SLC35A5: variants seen among roughly 807,000 people sequenced by gnomAD.
The protein encoded by SLC35A5 is solute carrier family 35 member A5, also known as UDP-sugar transporter protein SLC35A5.
In SLC35A5, 28 loss-of-function variants were observed where a neutral mutation model predicts 36.3. The observed-to-expected ratio is 0.77, with a 90% CI of 0.57 to 1.06. The LOEUF is 1.06. SLC35A5 is among the 50% of genes least tolerant of loss of function. SLC35A5 has a pLI of 0.00. For missense variants in SLC35A5, 521 were observed against 499.3 expected, an observed-to-expected ratio of 1.04 and a Z score of -0.41; for synonymous variants, 180 against 173.7, an observed-to-expected ratio of 1.04 and a Z score of -0.29.
intron 3 of SLC35A5, among the ~76,000 whole-genome samples, chr3:112,569,670 A>T (rs1934354286): frequency 6.6e-6 from 1 of 152,186 alleles, no homozygotes; most frequent in African/African-American, 2.4e-5. Flanking sequence ...CATCAAAGAG[A>T]CTGTTCTGGG....
intron 4 of SLC35A5, among the ~76,000 whole-genome samples, chr3:112,571,833 T>C (rs1329470326): frequency 1.3e-5 from 2 of 151,342 alleles, no homozygotes; most frequent in Non-Finnish European, 2.9e-5. Context: ...CCTTGACATA[T>C]GGGGATTACA....
At chr3:112,561,493 T>C, upstream of SLC35A5, 2 of 1,607,918 alleles carry the variant, frequency 1.2e-6, no homozygotes, top group East Asian at 2.2e-5. Flanking sequence ...CCACTTCCAG[T>C]GCCTTTCCCT....
intron 5 of SLC35A5, among the ~76,000 whole-genome samples, chr3:112,578,543 A>C (rs1310463346): frequency 6.6e-6 from 1 of 152,214 alleles, no homozygotes; most frequent in East Asian, 1.9e-4. Context: ...TGAAGAACAA[A>C]TTGGGCCTAG....
chr3:112,566,759 G>A (rs1487835426), intron 2 of SLC35A5, among the ~76,000 whole-genome samples: 1 of 152,220 alleles, frequency 6.6e-6, no homozygotes, highest in Non-Finnish European at 1.5e-5. Context: ...TTGGAGATAA[G>A]ACCTGAATGG....
chr3:112,569,150 A>C (rs1350759811), intron 2 of SLC35A5, 21 bp from the exon 3 acceptor site: 4 of 1,577,100 alleles, frequency 2.5e-6, no homozygotes, highest in Middle Eastern at 1.7e-4. Flanking sequence ...ATAGTTAAAA[A>C]ACATTTCTGT....
At chr3:112,577,735 T>C (rs1486656233) in intron 5 of SLC35A5, among the ~76,000 whole-genome samples, 1 of 152,226 alleles carries the variant, frequency 6.6e-6, no homozygotes, top group Non-Finnish European at 1.5e-5. Context: ...GGGTAAAGTT[T>C]AGTTACTGTC....
intron 3 of SLC35A5, 130 bp downstream of exon 3, chr3:112,569,399 A>T: frequency 2.9e-6 from 2 of 698,202 alleles, no homozygotes; most frequent in South Asian, 3.6e-5. Flanking sequence ...TACAAACATA[A>T]GTATGTTTTA....
Position 112,583,633 on chromosome 3 carries a change from T to C in SLC35A5, c.*897T>C, listed in dbSNP as rs1935033883. 6.6e-6 allele frequency: 1 copy of C among 152,290 alleles called. No individual in the cohort carries two copies. The highest frequency in any genetic ancestry group is 2.4e-5 in the African/African-American group (1 of 41,452). 9.4% of individuals were successfully genotyped at this position (152,290 alleles called of 1,614,324 possible). The stretch of plus-strand genomic sequence containing the variant: ...CTGGCTTCAGAATCATACCAGATTG[T>C]CAGTGAAGCTGATGCCTAGGAACTT... On this transcript the variant is annotated 3_prime_UTR_variant, in exon 7 of 7. Transcript: ENST00000492406.
At chr3:112,567,927 A>G (rs921223305) in intron 2 of SLC35A5, among the ~76,000 whole-genome samples, 2 of 152,226 alleles carry the variant, frequency 1.3e-5, no homozygotes, top group Non-Finnish European at 2.9e-5. Flanking sequence ...TTGGAGGATA[A>G]CAGAGTGTGA....
intron 5 of SLC35A5, among the ~76,000 whole-genome samples, chr3:112,578,389 A>T (rs749050753): frequency 2.0e-5 from 3 of 152,226 alleles, no homozygotes; most frequent in African/African-American, 7.2e-5. Flanking sequence ...TTCTGTGGGC[A>T]AACAATTCAC....
At position 112,580,804 on chromosome 3, in the gene SLC35A5, T is replaced by G. The variant is rs748421090; in HGVS notation, c.687T>G (p.Leu229=). 2 of 1,614,224 alleles carry G rather than the reference T, an allele frequency of 1.2e-6. No individual in the cohort carries two copies. The highest frequency in any genetic ancestry group is 2.2e-5 in the South Asian group (2 of 91,088). Residue 229 remains leucine, a synonymous_variant, in exon 6 of 7, where the codon CTT becomes CTG. Transcript: ENST00000492406. ...TTARVFSHIR[L]GMGHVLIIVQ... ...CCAGAGTTTTCAGTCACATCCGTCT[T>G]GGCATGGGCCATGTTCTTATTATAG...
intron 4 of SLC35A5, among the ~76,000 whole-genome samples, chr3:112,571,386 A>G (rs1934427415): frequency 6.6e-6 from 1 of 152,166 alleles, no homozygotes; most frequent in Non-Finnish European, 1.5e-5. Flanking sequence ...TATTGCCTTT[A>G]TTGCCAAAAT....
At chr3:112,561,494 G>A (rs778661805), upstream of SLC35A5, 21 of 1,612,980 alleles carry the variant, frequency 1.3e-5, no homozygotes, top group Non-Finnish European at 1.3e-5. Flanking sequence ...CACTTCCAGT[G>A]CCTTTCCCTT....
Position 112,563,066 on chromosome 3 carries a change from CATAA to C in SLC35A5, c.-19-309_-19-306del, listed in dbSNP as rs567959838. On this transcript the variant is annotated intron_variant, in intron 1 of 6. Transcript: ENST00000492406. ...CAGAGCGAGACTCCGTCTCAAAATA[CATAA>C]ATAAATAAAATTTAAAAATAAAATT... Among the ~76,000 whole-genome samples the C allele has an allele frequency of 5.0e-3, 755 of 152,272 alleles. 3 individuals are homozygous for C. Among genetic ancestry groups the C allele is most frequent in the Admixed American group, 7.8e-3 (120 of 15,294 alleles).
chr3:112,581,363 C>A, intron 6 of SLC35A5, 37 bp downstream of exon 6: 1 of 1,534,502 alleles, frequency 6.5e-7, no homozygotes, highest in Non-Finnish European at 8.7e-7. Context: ...GCTTGTTCTT[C>A]CCAAATTTAA....
At position 112,581,054 on chromosome 3, in the gene SLC35A5, A is replaced by C. The variant is rs903853140; in HGVS notation, c.937A>C (p.Thr313Pro). Residue 313 changes from threonine (T) to proline (P), a missense_variant, in exon 6 of 7, where the codon ACT becomes CCT. Transcript: ENST00000492406. ...SAFSVALIFV[T>P]AFQGLSVAFI... is the part of the protein sequence containing the mutation. ...ATTTTCAGTAGCCCTTATTTTTGTAACTGCATTCCAGGGCCTTTCAGTGGC... is the reference window on the plus strand; with the variant it reads ...ATTTTCAGTAGCCCTTATTTTTGTACCTGCATTCCAGGGCCTTTCAGTGGC... 5 of 1,613,960 alleles carry C rather than the reference A, an allele frequency of 3.1e-6. No homozygotes were observed. The South Asian group carries it at 3.3e-5, about 11-fold the overall frequency.
intron 4 of SLC35A5, among the ~76,000 whole-genome samples, chr3:112,572,144 T>G (rs991390483): frequency 4.7e-5 from 7 of 149,672 alleles, no homozygotes; most frequent in Admixed American, 4.0e-4. Context: ...GGGTTTCACC[T>G]TGTTAGCCAG....
intron 2 of SLC35A5, among the ~76,000 whole-genome samples, chr3:112,565,125 A>T (rs952543203): frequency 6.6e-6 from 1 of 152,222 alleles, no homozygotes; most frequent in Admixed American, 6.5e-5. Flanking sequence ...TAGGCTAAGT[A>T]TTAGCAGCAG....
Position 112,580,835 on chromosome 3 carries a change from T to G in SLC35A5, c.718T>G (p.Cys240Gly), listed in dbSNP as rs150129196. The G allele has an allele frequency of 2.5e-6, 4 of 1,614,032 alleles. No individual in the cohort carries two copies. Among genetic ancestry groups the G allele is most frequent in the Non-Finnish European group, 2.5e-6 (3 of 1,179,990 alleles). Residue 240 changes from cysteine (C) to glycine (G), a missense_variant, in exon 6 of 7, where the codon TGT becomes GGT. Cys to Gly is a radical substitution (Grantham distance 159, BLOSUM62 -3). Coordinates refer to ENST00000492406, the MANE Select transcript of SLC35A5 (RefSeq NM_017945.5). ...GMGHVLIIVQ[C>G]FISSMANIYN... ...GGGCCATGTTCTTATTATAGTCCAG[T>G]GTTTTATTTCTTCAATGGCTAATAT...
Sources: gnomAD v4.1 joint callset for allele counts (sites outside exome capture counted in the v4.1 genomes callset) on GRCh38, gnomAD v4.1.1 for gene constraint, MANE v1.5 for transcripts, NCBI Gene and HGNC (gene_info 2026-07-23, HGNC 2026-07-21) for gene names.